The following ADRA1B variants were observed in gnomAD, a reference collection of about 807,000 sequenced individuals.
ADRA1B encodes adrenoceptor alpha 1B.
Under a neutral mutation model 17.9 loss-of-function variants are expected in ADRA1B, and 17 were observed. That is an observed-to-expected ratio of 0.95 (90% CI 0.65 to 1.42). ADRA1B has a LOEUF of 1.42. Among genes scored for constraint, ADRA1B ranks in the 40% most tolerant of loss-of-function variants. The pLI is 0.00. For missense variants in ADRA1B, 681 were observed against 722.1 expected (o/e 0.94, Z 0.65); for synonymous variants, 366 against 327.6 (o/e 1.12, Z -1.27).
intron 1 of ADRA1B, among the ~76,000 whole-genome samples, chr5:159,919,499 G>T (rs932710481): frequency 6.6e-6 from 1 of 152,210 alleles, no homozygotes; most frequent in African/African-American, 2.4e-5. Context: ...ATTAATATTT[G>T]CTCCATGGAG....
At chr5:159,976,124 G>A (rs1450262156), downstream of ADRA1B, among the ~76,000 whole-genome samples, 3 of 152,144 alleles carry the variant, frequency 2.0e-5, no homozygotes, top group African/African-American at 7.2e-5. Flanking sequence ...GGACATTGGG[G>A]GATCAAATGA....
intron 1 of ADRA1B, among the ~76,000 whole-genome samples, chr5:159,932,099 T>G (rs1352837179): frequency 6.6e-6 from 1 of 152,212 alleles, no homozygotes. Context: ...CTGACTGACT[T>G]CTTATCATAT....
chr5:159,942,428 AG>A (rs1755160117), intron 1 of ADRA1B, among the ~76,000 whole-genome samples: 1 of 152,270 alleles, frequency 6.6e-6, no homozygotes, highest in African/African-American at 2.4e-5. Flanking sequence ...ATCCGTAAGC[AG>A]GTAAGGAAAT....
intron 1 of ADRA1B, among the ~76,000 whole-genome samples, chr5:159,903,869 A>G (rs1272557547): frequency 3.3e-5 from 5 of 152,232 alleles, no homozygotes; most frequent in South Asian, 2.1e-4. Context: ...CGACAGGTGG[A>G]AGACTCAGGG....
At chr5:159,885,763 G>A (rs1322355612) in intron 1 of ADRA1B, among the ~76,000 whole-genome samples, 1 of 152,186 alleles carries the variant, frequency 6.6e-6, no homozygotes, top group Non-Finnish European at 1.5e-5. Flanking sequence ...CTTTGAGCTG[G>A]AGGTTTGATG....
intron 1 of ADRA1B, among the ~76,000 whole-genome samples, chr5:159,865,579 A>G (rs1456748389): frequency 6.6e-6 from 1 of 152,246 alleles, no homozygotes; most frequent in African/African-American, 2.4e-5. Context: ...ATAGCCTATC[A>G]CAACTGCATT....
At chr5:159,951,236 G>A (rs1179386861) in intron 1 of ADRA1B, 34 of 869,366 alleles carry the variant, frequency 3.9e-5, no homozygotes, top group South Asian at 2.6e-4. Context: ...CGCCAGCATC[G>A]CCCCATTTGA....
chr5:159,964,140 T>C (rs1415722527), intron 1 of ADRA1B, among the ~76,000 whole-genome samples: 2 of 152,206 alleles, frequency 1.3e-5, no homozygotes, highest in Non-Finnish European at 2.9e-5. Context: ...GAGTCACATA[T>C]TCAGTCAGTC....
intron 1 of ADRA1B, among the ~76,000 whole-genome samples, chr5:159,935,224 A>C (rs1360495400): frequency 6.6e-6 from 1 of 152,206 alleles, no homozygotes; most frequent in Non-Finnish European, 1.5e-5. Context: ...GTTTTTTTAG[A>C]GTGCCAGGTA....
intron 1 of ADRA1B, among the ~76,000 whole-genome samples, chr5:159,906,388 A>G (rs909350352): frequency 6.6e-6 from 1 of 152,226 alleles, no homozygotes; most frequent in Non-Finnish European, 1.5e-5. Flanking sequence ...ACCATTTTAC[A>G]GATGACCTCC....
At chr5:159,939,345 C>T (rs908328652) in intron 1 of ADRA1B, among the ~76,000 whole-genome samples, 2 of 146,930 alleles carry the variant, frequency 1.4e-5, no homozygotes, top group Non-Finnish European at 3.0e-5. Context: ...GCACACAATG[C>T]ACTGAGGATA....
intron 1 of ADRA1B, among the ~76,000 whole-genome samples, chr5:159,900,690 C>A (rs1754091414): frequency 6.6e-6 from 1 of 152,248 alleles, no homozygotes; most frequent in Admixed American, 6.5e-5. Flanking sequence ...TCTCTTGTCT[C>A]TCTCCCTTCT....
chr5:159,890,380 C>A (rs1423001352), intron 1 of ADRA1B, among the ~76,000 whole-genome samples: 1 of 152,204 alleles, frequency 6.6e-6, no homozygotes, highest in Non-Finnish European at 1.5e-5. Flanking sequence ...AATTAGTCAT[C>A]TATTGCTGCA....
intron 1 of ADRA1B, among the ~76,000 whole-genome samples, chr5:159,899,310 G>GGAAGGAAGGAAAGAAGGAAA (rs1754075496): frequency 1.4e-5 from 2 of 142,752 alleles, no homozygotes; most frequent in East Asian, 2.0e-4. Context: ...AAGGAAGGAA[G>GGAAGGAAGGAAAGAAGGAAA]GAAGGAAAGA....
Position 159,891,647 on chromosome 5 carries a change from G to A in ADRA1B, c.-255-24472G>A, listed in dbSNP as rs142436634. Reference sequence around the variant, plus strand: ...TAAATTGACTGTGCTTTTAACCCTCGGGCAAAGCATCAGTGATTCATTGTT... The same window carrying A: ...TAAATTGACTGTGCTTTTAACCCTCAGGCAAAGCATCAGTGATTCATTGTT... On this transcript the variant is annotated intron_variant, in intron 1 of 2. Coordinates refer to the ADRA1B transcript ENST00000641205. 2.9e-3 allele frequency among the ~76,000 whole-genome samples: 440 copies of A among 152,232 alleles called. 1 individual carries two copies. Among genetic ancestry groups the A allele is most frequent in the African/African-American group, 9.5e-3 (395 of 41,542 alleles).
At chr5:159,911,566 C>T (rs927096735), upstream of ADRA1B, among the ~76,000 whole-genome samples, 10 of 152,168 alleles carry the variant, frequency 6.6e-5, no homozygotes, top group Admixed American at 2.0e-4. Context: ...CTCTCTCTGC[C>T]TTACCAGGGA....
intron 1 of ADRA1B, chr5:159,870,691 G>A (rs1246752907): frequency 2.6e-5 from 4 of 152,186 alleles, no homozygotes; most frequent in Non-Finnish European, 5.9e-5. Flanking sequence ...GTTAAAGTAT[G>A]CTGGGGGATT....
chr5:159,920,463 A>C (rs190320105), intron 1 of ADRA1B, among the ~76,000 whole-genome samples: 1 of 152,242 alleles, frequency 6.6e-6, no homozygotes, highest in East Asian at 1.9e-4. Context: ...ATAAAAAGTG[A>C]GAGGTTCTTG....
chr5:159,883,687 C>T (rs1051666819), intron 1 of ADRA1B, among the ~76,000 whole-genome samples: 1 of 152,182 alleles, frequency 6.6e-6, no homozygotes, highest in Non-Finnish European at 1.5e-5. Context: ...AAAGTTACTT[C>T]AAGCTCTAAG....
Sources: allele counts gnomAD v4.1 joint callset (sites outside exome capture counted in the v4.1 genomes callset), GRCh38; gene constraint gnomAD v4.1.1; transcripts MANE v1.5; gene names NCBI Gene and HGNC (gene_info 2026-07-23, HGNC 2026-07-21).